Variants in RFX4 observed in about 807,000 individuals in gnomAD.
RFX4 encodes transcription factor RFX4.
RFX4 carries 10 observed loss-of-function variants against 95.0 expected under a neutral mutation model. The ratio of observed to expected loss-of-function variants is 0.11; its 90% CI spans 0.06 to 0.18. RFX4 has a LOEUF of 0.18. Ranked by LOEUF, RFX4 falls within the 10% of genes least tolerant of loss-of-function variation. The probability of loss-of-function intolerance (pLI) is 1.00; values close to 1 mark genes in which losing one functional copy is unlikely to be tolerated. For missense variants in RFX4, 640 were observed against 922.0 expected (o/e 0.69, Z 3.96); for synonymous variants, 321 against 340.7 (o/e 0.94, Z 0.64).
At chr12:106,669,570 C>A (rs2041241168) in intron 4 of RFX4, among the ~76,000 whole-genome samples, 1 of 151,974 alleles carries the variant, frequency 6.6e-6, no homozygotes, top group African/African-American at 2.4e-5. Context: ...TTCTTCTAGT[C>A]CCACCAGTCT....
chr12:106,657,723 A>G (rs1266411019), intron 4 of RFX4, among the ~76,000 whole-genome samples: 1 of 152,288 alleles, frequency 6.6e-6, no homozygotes, highest in African/African-American at 2.4e-5. Context: ...AGTGCTTATG[A>G]GGGCGTTTTT....
At chr12:106,604,756 C>A (rs565668330) in intron 1 of RFX4, among the ~76,000 whole-genome samples, 2 of 152,216 alleles carry the variant, frequency 1.3e-5, no homozygotes, top group East Asian at 3.9e-4. Flanking sequence ...ACTGAAGAGG[C>A]TGTTGTGTAT....
intron 11 of RFX4, among the ~76,000 whole-genome samples, chr12:106,716,417 C>G (rs1228770464): frequency 1.3e-5 from 2 of 151,902 alleles, no homozygotes; most frequent in African/African-American, 4.8e-5. Context: ...GCCCCAAGGC[C>G]CTTCAGATTT....
chr12:106,648,906 A>G (rs1405793443), intron 3 of RFX4, among the ~76,000 whole-genome samples: 2 of 152,160 alleles, frequency 1.3e-5, no homozygotes, highest in African/African-American at 2.4e-5. Flanking sequence ...AGCTTCCTCC[A>G]TGTGCCTTAG....
intron 11 of RFX4, 95 bp from the exon 12 acceptor site, chr12:106,719,865 C>A: frequency 1.0e-6 from 1 of 972,036 alleles, no homozygotes; most frequent in Non-Finnish European, 1.6e-6. Context: ...TAAAGTTTTA[C>A]TTTATTCAAA....
chr12:106,698,512 A>T (rs1475960895), intron 8 of RFX4, among the ~76,000 whole-genome samples: 3 of 152,178 alleles, frequency 2.0e-5, no homozygotes, highest in Non-Finnish European at 4.4e-5. Context: ...ATAAATTTTT[A>T]AAAAATATGT....
At chr12:106,711,676 G>C (rs2042193512) in intron 10 of RFX4, among the ~76,000 whole-genome samples, 165 bp downstream of exon 10, 2 of 152,120 alleles carry the variant, frequency 1.3e-5, no homozygotes, top group Non-Finnish European at 2.9e-5. Flanking sequence ...CCAATAACTA[G>C]TTTCAACTAA....
chr12:106,589,132 C>G (rs919457139), intron 1 of RFX4, among the ~76,000 whole-genome samples: 14 of 152,182 alleles, frequency 9.2e-5, no homozygotes, highest in African/African-American at 2.9e-4. Flanking sequence ...CTCTTCCACT[C>G]TATTTTAGAT....
At chr12:106,648,626 G>GTT (rs59743543) in intron 3 of RFX4, among the ~76,000 whole-genome samples, 71 of 124,916 alleles carry the variant, frequency 5.7e-4, no homozygotes, top group Middle Eastern at 4.2e-3. Context: ...ATCCTGTGGG[G>GTT]TTTTTTTTTT....
chr12:106,758,603 C>T (rs940312916), intron 17 of RFX4, among the ~76,000 whole-genome samples: 1 of 152,170 alleles, frequency 6.6e-6, no homozygotes, highest in African/African-American at 2.4e-5. Flanking sequence ...TCTGTCAGAA[C>T]CAGCAAGCTG....
intron 4 of RFX4, 74 bp downstream of exon 4, chr12:106,654,425 T>C: frequency 1.3e-6 from 2 of 1,494,480 alleles, no homozygotes; most frequent in Non-Finnish European, 1.8e-6. Context: ...TTTTAAAGCA[T>C]TTTAGTTATT....
At chr12:106,715,187 A>G (rs2042264255) in intron 10 of RFX4, 4 of 537,526 alleles carry the variant, frequency 7.4e-6, no homozygotes, top group Non-Finnish European at 9.7e-6. Flanking sequence ...TTGTAGAGAA[A>G]AAGAGATGTG....
At chr12:106,640,788 T>C (rs1237867463) in intron 3 of RFX4, among the ~76,000 whole-genome samples, 1 of 150,202 alleles carries the variant, frequency 6.7e-6, no homozygotes, top group African/African-American at 2.5e-5. Flanking sequence ...CTTTTTTTTT[T>C]TTTTTTTTTT....
chr12:106,607,655 A>G (rs1489456675), intron 1 of RFX4, among the ~76,000 whole-genome samples: 1 of 152,142 alleles, frequency 6.6e-6, no homozygotes, highest in Non-Finnish European at 1.5e-5. Flanking sequence ...CAAAGTTTGC[A>G]CTATGCTCAA....
At chr12:106,758,355 G>A (rs1184008794) in intron 17 of RFX4, among the ~76,000 whole-genome samples, 1 of 152,108 alleles carries the variant, frequency 6.6e-6, no homozygotes, top group Non-Finnish European at 1.5e-5. Context: ...TGACCTAACG[G>A]GACAGAATTT....
chr12:106,749,916 G>C (rs11113102), intron 16 of RFX4, among the ~76,000 whole-genome samples: 105 of 152,302 alleles, frequency 6.9e-4, no homozygotes, highest in African/African-American at 2.5e-3. Flanking sequence ...TGATGTGGAA[G>C]CAGAGGCCTG....
In RFX4 at chr12:106,608,798, G is replaced by C. The variant is rs765098667; in HGVS notation, c.45G>C (p.Glu15Asp). 14 of 1,557,434 alleles carry C rather than the reference G, an allele frequency of 9.0e-6. No homozygotes were observed. The highest frequency in any genetic ancestry group is 1.2e-5 in the Non-Finnish European group (14 of 1,153,376). Residue 15 changes from glutamate (E) to aspartate (D), a missense_variant and splice_region_variant, in exon 2 of 18, where the codon GAG (glutamate) becomes GAC (aspartate). Transcript: ENST00000392842. ...TTTCTTTCTTTTTTTTTTTTTTAGA[G>C]AGCTGGATTGAAAGATGTCTCAACG... ...LLEEPDMDST[E>D]SWIERCLNES...
chr12:106,679,678 C>T (rs1442330028), intron 4 of RFX4, among the ~76,000 whole-genome samples: 1 of 152,068 alleles, frequency 6.6e-6, no homozygotes, highest in African/African-American at 2.4e-5. Context: ...TGAAAAATCC[C>T]CTGGCTCAAT....
At chr12:106,715,241 TAC>T (rs1182648060) in intron 10 of RFX4, 157 bp from the exon 11 acceptor site, 7 of 740,472 alleles carry the variant, frequency 9.5e-6, no homozygotes, top group Non-Finnish European at 1.5e-5. Flanking sequence ...TCTTCTGAGT[TAC>T]AGAGTCTTCT....
Sources: gnomAD v4.1 joint callset for allele counts (sites outside exome capture counted in the v4.1 genomes callset) on GRCh38, gnomAD v4.1.1 for gene constraint, MANE v1.5 for transcripts, NCBI Gene and HGNC (gene_info 2026-07-23, HGNC 2026-07-21) for gene names.